Variants in CADPS observed in about 807,000 individuals in gnomAD.
CADPS encodes the protein calcium-dependent secretion activator 1.
Under a neutral mutation model 167.3 loss-of-function variants are expected in CADPS, and 57 were observed. The ratio of observed to expected loss-of-function variants is 0.34; its 90% CI spans 0.28 to 0.42. The LOEUF (loss-of-function observed/expected upper bound fraction) is 0.42. Among genes scored for constraint, CADPS ranks in the 20% least tolerant of loss-of-function variants. The pLI, the probability that CADPS is intolerant of heterozygous loss-of-function variation, is 1.00. For missense variants in CADPS, 1,414 were observed against 1,738.1 expected (o/e 0.81, Z 3.32); for synonymous variants, 676 against 635.3 (o/e 1.06, Z -0.96).
At chr3:62,557,537 A>T (rs2152334443) in intron 9 of CADPS, 24 bp from the exon 10 acceptor site, 1 of 1,567,712 alleles carries the variant, frequency 6.4e-7, no homozygotes, top group Non-Finnish European at 8.8e-7. Flanking sequence ...GCAGATTGTG[A>T]GGTTGACCCC....
chr3:62,427,087 A>AAG (rs2052900068), intron 28 of CADPS, among the ~76,000 whole-genome samples: 1 of 151,316 alleles, frequency 6.6e-6, no homozygotes, highest in Non-Finnish European at 1.5e-5. Context: ...AAAAAAAAAA[A>AAG]AAAGAAAAGT....
At chr3:62,859,595 C>G (rs17358391) in intron 1 of CADPS, among the ~76,000 whole-genome samples, 6,991 of 152,208 alleles carry the variant, frequency 0.046, 181 homozygotes, top group East Asian at 0.089. Context: ...AAGGTCTATA[C>G]TGCTGAATCA....
At chr3:62,599,747 TCTATTA>T in intron 6 of CADPS, among the ~76,000 whole-genome samples, 1 of 18,614 alleles carries the variant, frequency 5.4e-5, no homozygotes, top group Non-Finnish European at 8.4e-5. Context: ...ATATATATAA[TCTATTA>T]TATATATTGT....
intron 3 of CADPS, among the ~76,000 whole-genome samples, chr3:62,717,220 A>G (rs1406808652): frequency 6.6e-6 from 1 of 152,234 alleles, no homozygotes; most frequent in East Asian, 1.9e-4. Flanking sequence ...ATGAAATCAC[A>G]TCTGCTAGGG....
intron 9 of CADPS, among the ~76,000 whole-genome samples, chr3:62,565,217 C>T (rs2079929771): frequency 6.6e-6 from 1 of 152,154 alleles, no homozygotes; most frequent in Admixed American, 6.5e-5. Flanking sequence ...CCCATTTCCC[C>T]TTGATCTCTG....
chr3:62,850,584 TTGAG>T (rs1269774715), intron 1 of CADPS, among the ~76,000 whole-genome samples: 2 of 141,052 alleles, frequency 1.4e-5, no homozygotes, highest in African/African-American at 5.2e-5. Context: ...TTGAGCGGCT[TTGAG>T]TGAGATTCTT....
Position 62,492,562 on chromosome 3 carries a change from G to C in CADPS, c.2728-116C>G, listed in dbSNP as rs912027167. On this transcript the variant is annotated intron_variant, in intron 19 of 29. Coordinates refer to ENST00000383710, the MANE Select transcript of CADPS (RefSeq NM_003716.4). ...ATTAATGGTGCATCCAGCAGGGTTT[G>C]GTAATTTTATTGTAAAGAGAACAGA... The C allele has an allele frequency of 4.9e-6, 5 of 1,018,422 alleles. No homozygotes were observed. The African/African-American group carries it at 6.4e-5, about 13-fold the overall frequency. The allele number at this position is 1,018,422 out of a possible 1,614,324, so 63.1% of individuals were successfully genotyped here.
intron 9 of CADPS, among the ~76,000 whole-genome samples, chr3:62,567,053 A>T (rs542383348): frequency 6.6e-6 from 1 of 152,140 alleles, no homozygotes; most frequent in African/African-American, 2.4e-5. Flanking sequence ...TGAAGGCTCT[A>T]AACACCTGTG....
chr3:62,700,534 G>T (rs2081197807), intron 3 of CADPS, among the ~76,000 whole-genome samples: 1 of 152,066 alleles, frequency 6.6e-6, no homozygotes, highest in African/African-American at 2.4e-5. Context: ...TACTAGAGAT[G>T]ATATGTACAT....
At position 62,549,965 on chromosome 3, in the gene CADPS, A is replaced by T. The variant is rs1490465817; in HGVS notation, c.1904T>A (p.Val635Asp). The T allele has an allele frequency of 1.9e-6, 3 of 1,614,086 alleles. No homozygotes were observed. Among genetic ancestry groups the T allele is most frequent in the Non-Finnish European group, 2.5e-6 (3 of 1,179,964 alleles). Reference protein sequence around the residue: ...QSHKPVPPTQVQKLNAKGGNV... With the variant: ...QSHKPVPPTQDQKLNAKGGNV... ...TCCTCCCTTGGCGTTGAGTTTCTGG[A>T]CTTGGGTCGGGGGCACAGGCTTGTG... The change falls in exon 11 of 30, where the codon GTC becomes GAC. Residue 635 changes from valine to aspartate, a missense_variant. Coordinates refer to ENST00000383710, the MANE Select transcript of CADPS (RefSeq NM_003716.4).
intron 27 of CADPS, chr3:62,440,261 T>G (rs2056038132): frequency 6.6e-6 from 1 of 152,196 alleles, no homozygotes; most frequent in African/African-American, 2.4e-5. Flanking sequence ...TCACACTGCA[T>G]GGATTTTTAC....
intron 3 of CADPS, among the ~76,000 whole-genome samples, chr3:62,713,500 T>C (rs2083810855): frequency 6.6e-6 from 1 of 152,206 alleles, no homozygotes; most frequent in Non-Finnish European, 1.5e-5. Flanking sequence ...TAGAAATCTC[T>C]GCATGATCCA....
chr3:62,442,541 C>CAACAA (rs745525305), intron 27 of CADPS, among the ~76,000 whole-genome samples: 2 of 152,130 alleles, frequency 1.3e-5, no homozygotes, highest in Non-Finnish European at 1.5e-5. Context: ...TCAAAACCAA[C>CAACAA]AACAAAACAA....
intron 1 of CADPS, among the ~76,000 whole-genome samples, chr3:62,826,280 A>G (rs1278041376): frequency 2.0e-5 from 3 of 152,166 alleles, no homozygotes; most frequent in African/African-American, 7.2e-5. Context: ...GGTTTGTTTC[A>G]GTAGAGATCA....
At chr3:62,604,387 G>A (rs1401569279) in intron 6 of CADPS, among the ~76,000 whole-genome samples, 1 of 152,206 alleles carries the variant, frequency 6.6e-6, no homozygotes, top group East Asian at 1.9e-4. Context: ...TTCTTGTGGT[G>A]AGGACAGGAA....
Position 62,491,437 on chromosome 3 carries a change from C to T in CADPS, c.2928G>A (p.Leu976=), listed in dbSNP as rs747325414. 62 of 1,614,066 alleles carry T rather than the reference C, an allele frequency of 3.8e-5. No individual in the cohort carries two copies. Among genetic ancestry groups the T allele is most frequent in the Non-Finnish European group, 5.2e-5 (61 of 1,179,980 alleles). ...NGKFHKHLQD[L]FAPLVVRYVD... Reference sequence around the variant, plus strand: ...CATATCTAACAACAAGTGGGGCAAACAGGTCTTGCAGGTGTTTGTGAAATT... The same window carrying T: ...CATATCTAACAACAAGTGGGGCAAATAGGTCTTGCAGGTGTTTGTGAAATT... The change falls in exon 21 of 30, where the codon CTG becomes CTA. Residue 976 remains leucine (L), a synonymous_variant. Coordinates refer to ENST00000383710, the MANE Select transcript of CADPS (RefSeq NM_003716.4).
chr3:62,492,969 C>T (rs2151118534), intron 19 of CADPS, among the ~76,000 whole-genome samples: 1 of 152,268 alleles, frequency 6.6e-6, no homozygotes, highest in South Asian at 2.1e-4. Flanking sequence ...CTATTTCATA[C>T]TAAGTCAAAG....
intron 11 of CADPS, among the ~76,000 whole-genome samples, chr3:62,548,219 C>CT (rs1246951019): frequency 6.6e-6 from 1 of 152,018 alleles, no homozygotes; most frequent in African/African-American, 2.4e-5. Flanking sequence ...TTTTGTCATA[C>CT]TTTAAAAAAA....
At chr3:62,721,605 G>T (rs1201727418) in intron 3 of CADPS, among the ~76,000 whole-genome samples, 3 of 152,006 alleles carry the variant, frequency 2.0e-5, no homozygotes, top group African/African-American at 7.3e-5. Context: ...AACATTGTCA[G>T]TATCTAGTTT....
Sources: allele counts gnomAD v4.1 joint callset (sites outside exome capture counted in the v4.1 genomes callset), GRCh38; gene constraint gnomAD v4.1.1; transcripts MANE v1.5; gene names NCBI Gene and HGNC (gene_info 2026-07-23, HGNC 2026-07-21).